The following SHISA9 variants were observed in gnomAD, a reference collection of about 807,000 sequenced individuals.
SHISA9 encodes the protein protein shisa-9.
A neutral mutation model predicts 38.0 loss-of-function variants in SHISA9; 13 were observed. The observed-to-expected ratio is 0.34, with a 90% CI of 0.22 to 0.54. The LOEUF (loss-of-function observed/expected upper bound fraction) is 0.54, where lower values mean the gene tolerates loss of function less well. Among genes scored for constraint, SHISA9 ranks in the 20% least tolerant of loss-of-function variants. SHISA9 has a pLI of 0.91. For missense variants in SHISA9, 538 were observed against 575.8 expected, an observed-to-expected ratio of 0.93 and a Z score of 0.67; for synonymous variants, 275 against 242.0, an observed-to-expected ratio of 1.14 and a Z score of -1.27.
chr16:13,055,650 C>G (rs574372477), intron 2 of SHISA9, among the ~76,000 whole-genome samples: 1 of 152,278 alleles, frequency 6.6e-6, no homozygotes, highest in South Asian at 2.1e-4. Context: ...GAGCAGAATT[C>G]TAAATTCTCC....
At chr16:13,374,469 T>C in the SHISA9 span, among the ~76,000 whole-genome samples, 1 of 152,346 alleles carries the variant, frequency 6.6e-6, no homozygotes, top group East Asian at 1.9e-4. Flanking sequence ...TCTAGCTTCA[T>C]CCATGTCCCT....
chr16:13,004,278 A>G (rs2072567172), intron 2 of SHISA9, among the ~76,000 whole-genome samples: 1 of 152,224 alleles, frequency 6.6e-6, no homozygotes, highest in Non-Finnish European at 1.5e-5. Flanking sequence ...GATGTAGTCA[A>G]GCCTCAATAG....
intron 2 of SHISA9, among the ~76,000 whole-genome samples, chr16:13,007,513 T>C (rs2072614035): frequency 6.6e-6 from 1 of 152,210 alleles, no homozygotes; most frequent in Non-Finnish European, 1.5e-5. Context: ...ATCTCTCCCC[T>C]GCAGCCAGAG....
Position 12,990,723 on chromosome 16 carries a change from C to G in SHISA9, c.691+73908C>G, listed in dbSNP as rs183368990. 2.6e-3 allele frequency among the ~76,000 whole-genome samples: 402 copies of G among 152,242 alleles called. 2 individuals are homozygous for G. Among genetic ancestry groups the G allele is most frequent in the African/African-American group, 9.4e-3 (390 of 41,532 alleles). On this transcript the variant is annotated intron_variant, in intron 2 of 4. Transcript: ENST00000558583. ...GAGAGCAGGGATGCTGGTATACATC[C>G]CACAATGTAGTGGGCAGGCCCCACA...
the SHISA9 span, among the ~76,000 whole-genome samples, chr16:13,421,637 A>G: frequency 6.6e-6 from 1 of 152,222 alleles, no homozygotes; most frequent in Non-Finnish European, 1.5e-5. Context: ...ATTAACTAAG[A>G]TGCAAACTTC....
At chr16:13,398,899 A>G in the SHISA9 span, among the ~76,000 whole-genome samples, 3 of 152,232 alleles carry the variant, frequency 2.0e-5, no homozygotes, top group South Asian at 4.1e-4. Flanking sequence ...GAATGAATTA[A>G]TGAATGGAGT....
intron 2 of SHISA9, among the ~76,000 whole-genome samples, chr16:13,042,866 A>G (rs974450511): frequency 4.6e-5 from 7 of 152,186 alleles, no homozygotes; most frequent in Admixed American, 6.5e-5. Flanking sequence ...CCACTGTATC[A>G]CTAATGCCTA....
At chr16:13,437,593 C>T in the SHISA9 span, among the ~76,000 whole-genome samples, 7 of 152,244 alleles carry the variant, frequency 4.6e-5, no homozygotes, top group East Asian at 1.9e-4. Context: ...ACCTCCCAAG[C>T]CATAAACAAC....
At chr16:12,921,626 T>C (rs1462132469) in intron 2 of SHISA9, among the ~76,000 whole-genome samples, 1 of 151,976 alleles carries the variant, frequency 6.6e-6, no homozygotes, top group Non-Finnish European at 1.5e-5. Context: ...TGAAAAGTAA[T>C]TGGGCATGGT....
Position 12,902,094 on chromosome 16 carries a change from T to C in SHISA9, c.30T>C (p.Gly10=). ...GCCGCGTCCTTCGGCTGCTCCTCGG[T>C]TGCTTCCTCACCGAGCTGTGCGCCC... MRRVLRLLL[G]CFLTELCARV... The change falls in exon 1 of 5, where the codon GGT becomes GGC. Residue 10 remains glycine, a synonymous_variant. Coordinates refer to ENST00000558583, the MANE Select transcript of SHISA9 (RefSeq NM_001145204.3). 6.7e-7 allele frequency: 1 copy of C among 1,495,384 alleles called. No homozygotes were observed. Among genetic ancestry groups the C allele is most frequent in the South Asian group, 1.2e-5 (1 of 80,040 alleles). 92.6% of individuals were successfully genotyped at this position (1,495,384 alleles called of 1,614,324 possible).
chr16:13,160,764 G>C (rs2050588424), intron 2 of SHISA9, among the ~76,000 whole-genome samples: 1 of 152,164 alleles, frequency 6.6e-6, no homozygotes, highest in Admixed American at 6.5e-5. Context: ...TCAAATGCTT[G>C]CATAGATGTG....
chr16:13,158,041 T>A (rs1367997032), intron 2 of SHISA9, among the ~76,000 whole-genome samples: 2 of 152,090 alleles, frequency 1.3e-5, no homozygotes, highest in Non-Finnish European at 2.9e-5. Flanking sequence ...TGGTTAAGGG[T>A]GAGTTGTGGT....
At chr16:13,545,969 T>C in the SHISA9 span, among the ~76,000 whole-genome samples, 1 of 152,090 alleles carries the variant, frequency 6.6e-6, no homozygotes, top group African/African-American at 2.4e-5. Context: ...GCCAAACTGG[T>C]AGGACGTAAA....
At chr16:13,453,788 GT>G in the SHISA9 span, among the ~76,000 whole-genome samples, 1 of 152,188 alleles carries the variant, frequency 6.6e-6, no homozygotes, top group Admixed American at 6.5e-5. Flanking sequence ...CTTAGGTCTG[GT>G]TGGTTGTTGT....
chr16:12,994,598 G>T (rs2072434597), intron 2 of SHISA9, among the ~76,000 whole-genome samples: 1 of 152,158 alleles, frequency 6.6e-6, no homozygotes, highest in African/African-American at 2.4e-5. Flanking sequence ...AGGTGGCGAG[G>T]ACCTGAATTT....
chr16:13,488,498 A>T, the SHISA9 span, among the ~76,000 whole-genome samples: 1 of 152,098 alleles, frequency 6.6e-6, no homozygotes, highest in Non-Finnish European at 1.5e-5. Context: ...TTCCCATAAG[A>T]TTATAGTATT....
chr16:13,469,572 G>T, the SHISA9 span, among the ~76,000 whole-genome samples: 5 of 152,116 alleles, frequency 3.3e-5, no homozygotes, highest in African/African-American at 1.2e-4. Flanking sequence ...CCAGTTCTGT[G>T]CTCATCCAAA....
At chr16:13,192,079 T>C (rs2050890670) in intron 2 of SHISA9, among the ~76,000 whole-genome samples, 1 of 152,130 alleles carries the variant, frequency 6.6e-6, no homozygotes, top group African/African-American at 2.4e-5. Context: ...TGCAGCAACA[T>C]GGATGGAGCT....
chr16:13,243,599 A>T (rs998945435), downstream of SHISA9, among the ~76,000 whole-genome samples: 1 of 152,154 alleles, frequency 6.6e-6, no homozygotes, highest in Non-Finnish European at 1.5e-5. Context: ...GCTTTTACCT[A>T]GCAGGCTTCA....
Sources: allele counts gnomAD v4.1 joint callset (sites outside exome capture counted in the v4.1 genomes callset), GRCh38; gene constraint gnomAD v4.1.1; transcripts MANE v1.5; gene names NCBI Gene and HGNC (gene_info 2026-07-23, HGNC 2026-07-21).